Variants in SVEP1 observed in about 807,000 individuals in gnomAD.
SVEP1 encodes the protein sushi, von Willebrand factor type A, EGF and pentraxin domain containing 1.
SVEP1 carries 164 observed loss-of-function variants against 367.3 expected under a neutral mutation model. The ratio of observed to expected loss-of-function variants is 0.45; its 90% confidence interval spans 0.39 to 0.51. The LOEUF (loss-of-function observed/expected upper bound fraction) is 0.51, where lower values mean the gene tolerates loss of function less well. Ranked by LOEUF, SVEP1 falls within the 20% of genes least tolerant of loss-of-function variation. The pLI is 0.00. For synonymous variants in SVEP1, 1,666 were observed against 1,611.6 expected, an observed-to-expected ratio of 1.03 and a Z score of -0.81; for missense variants, 4,117 against 4,425.3, an observed-to-expected ratio of 0.93 and a Z score of 1.98.
At position 110,430,399 on chromosome 9, in the gene SVEP1, C is replaced by G; in HGVS notation, c.5405G>C (p.Gly1802Ala). Residue 1802 changes from glycine (G) to alanine (A), a missense_variant, in exon 33 of 48, where the codon GGT (glycine) becomes GCT (alanine). Transcript: ENST00000374469. Reference protein sequence around the residue: ...PGNPENGHSSGEIYTVGAEVT... With the variant: ...PGNPENGHSSAEIYTVGAEVT... The stretch of plus-strand genomic sequence containing the variant: ...TTCGGCACCTACTGTATAAATCTCA[C>G]CTGAGGAGTGGCCATTTTCCGGATT... 6.2e-7 allele frequency: 1 copy of G among 1,613,202 alleles called. No individual in the cohort carries two copies. Among genetic ancestry groups the G allele is most frequent in the Non-Finnish European group, 8.5e-7 (1 of 1,179,622 alleles).
At chr9:110,486,828 A>G (rs1829286091) in intron 9 of SVEP1, among the ~76,000 whole-genome samples, 1 of 151,988 alleles carries the variant, frequency 6.6e-6, no homozygotes, top group South Asian at 2.1e-4. Context: ...TATTTTTAGT[A>G]GAGACAGGGT....
intron 8 of SVEP1, among the ~76,000 whole-genome samples, chr9:110,494,788 CTGTCT>C (rs1829421091): frequency 1.7e-5 from 1 of 58,028 alleles, no homozygotes; most frequent in Non-Finnish European, 4.0e-5. Flanking sequence ...ACTGCCTTCT[CTGTCT>C]TTTTTTTTTC....
rs527857719 is a variant in SVEP1 at position 110,408,881 on chromosome 9, C to T, written c.6719G>A (p.Ser2240Asn). 3.1e-6 allele frequency: 5 copies of T among 1,613,428 alleles called. No homozygotes were observed. The South Asian group carries it at 4.4e-5, about 14-fold the overall frequency. ...QCNPGYKSVG[S>N]PVFVCQANRH... ...ATTGGCTTGGCAGACAAATACAGGA[C>T]TTCCGACTGACTTATAGCCCGGGTT... is the stretch of plus-strand genomic sequence containing the variant. The change falls in exon 38 of 48, where the codon AGT becomes AAT. Residue 2240 changes from serine (S) to asparagine (N), a missense_variant. This residue lies in a region of SVEP1 where 1,765 missense variants were observed against 1,781.1 expected (regional missense o/e 0.99). Transcript: ENST00000374469.
chr9:110,392,778 C>T (rs1394700478), intron 40 of SVEP1, among the ~76,000 whole-genome samples: 2 of 151,936 alleles, frequency 1.3e-5, no homozygotes, highest in African/African-American at 4.8e-5. Flanking sequence ...CATTTATGAC[C>T]TATTTGATGT....
At position 110,427,696 on chromosome 9, in the gene SVEP1, G is replaced by T. The variant is rs891225333; in HGVS notation, c.5870C>A (p.Ala1957Asp). 3 of 1,613,924 alleles carry T rather than the reference G, an allele frequency of 1.9e-6. No homozygotes were observed. The highest frequency in any genetic ancestry group is 2.7e-5 in the African/African-American group (2 of 75,036). Residue 1957 changes from alanine to aspartate, a missense_variant, in exon 36 of 48, where the codon GCC (alanine) becomes GAC (aspartate). Around this residue, in one of 4 missense-constraint regions of SVEP1, gnomAD observed 2,174 missense variants for 2,494.3 expected, o/e 0.87. Coordinates refer to ENST00000374469, the MANE Select transcript of SVEP1 (RefSeq NM_153366.4). ...TTCTCCACAGAAGACGAGGTGACAGGCAGGTGGCGCTCTGTCCCAGATGCC... is the reference window on the plus strand; with the variant it reads ...TTCTCCACAGAAGACGAGGTGACAGTCAGGTGGCGCTCTGTCCCAGATGCC... ...ASGIWDRAPP[A>D]CHLVFCGEPP...
At chr9:110,535,817 A>G (rs2118825765) in intron 3 of SVEP1, among the ~76,000 whole-genome samples, 1 of 152,028 alleles carries the variant, frequency 6.6e-6, no homozygotes, top group East Asian at 1.9e-4. Flanking sequence ...TTGATTTTAT[A>G]TTCTGAAACT....
chr9:110,401,918 C>T (rs552400746), intron 39 of SVEP1, among the ~76,000 whole-genome samples: 31 of 152,122 alleles, frequency 2.0e-4, no homozygotes, highest in Admixed American at 1.1e-3. Context: ...ACAGGATTTG[C>T]GGCTAAACCC....
chr9:110,531,260 CT>C (rs1445046470), intron 3 of SVEP1, among the ~76,000 whole-genome samples: 1 of 152,148 alleles, frequency 6.6e-6, no homozygotes, highest in Non-Finnish European at 1.5e-5. Flanking sequence ...TTTCATTTAA[CT>C]GCTTCCATAT....
intron 26 of SVEP1, among the ~76,000 whole-genome samples, chr9:110,445,598 T>A (rs1303696502): frequency 6.6e-6 from 1 of 152,202 alleles, no homozygotes; most frequent in Non-Finnish European, 1.5e-5. Context: ...GACTATCAGA[T>A]GAAGTAATAC....
intron 3 of SVEP1, among the ~76,000 whole-genome samples, chr9:110,533,405 A>G (rs1830044175): frequency 6.6e-6 from 1 of 152,220 alleles, no homozygotes; most frequent in East Asian, 1.9e-4. Flanking sequence ...CTGCCCAGAA[A>G]AACACAGTAG....
chr9:110,384,931 T>TGGACAACAAATGAGCCTGGA (rs1164599803), intron 43 of SVEP1, among the ~76,000 whole-genome samples: 1 of 152,196 alleles, frequency 6.6e-6, no homozygotes, highest in Non-Finnish European at 1.5e-5. Context: ...GGTAGTAGCT[T>TGGACAACAAATGAGCCTGGA]GGACAACAAA....
At chr9:110,366,625 T>A in intron 47 of SVEP1, 65 bp from the exon 48 acceptor site, 5 of 1,450,016 alleles carry the variant, frequency 3.4e-6, no homozygotes, top group Non-Finnish European at 4.6e-6. Context: ...AGAGCTAACA[T>A]CTCTTTAGGA....
At chr9:110,437,682 G>A (rs985308049) in intron 27 of SVEP1, among the ~76,000 whole-genome samples, 22 of 151,644 alleles carry the variant, frequency 1.5e-4, no homozygotes, top group Admixed American at 1.3e-4. Flanking sequence ...GGGTGGTTTT[G>A]GGTTACATGG....
At chr9:110,465,821 C>G in intron 18 of SVEP1, 44 bp downstream of exon 18, 1 of 1,588,438 alleles carries the variant, frequency 6.3e-7, no homozygotes, top group South Asian at 1.1e-5. Flanking sequence ...ATGCATAGAA[C>G]CTAGTAGGTT....
At chr9:110,562,187 C>A (rs1443776850) in intron 1 of SVEP1, among the ~76,000 whole-genome samples, 5 of 150,936 alleles carry the variant, frequency 3.3e-5, no homozygotes, top group Admixed American at 6.6e-5. Flanking sequence ...ACAAATTCCA[C>A]CATTTGGAAT....
intron 3 of SVEP1, among the ~76,000 whole-genome samples, chr9:110,528,581 G>T (rs1439896214): frequency 2.0e-5 from 3 of 151,878 alleles, no homozygotes; most frequent in Non-Finnish European, 2.9e-5. Context: ...TTTTTCATAT[G>T]TTTGTTGGCC....
chr9:110,385,708 A>G (rs1185534149), intron 43 of SVEP1, among the ~76,000 whole-genome samples, 190 bp downstream of exon 43: 3 of 152,194 alleles, frequency 2.0e-5, no homozygotes, highest in Non-Finnish European at 2.9e-5. Context: ...TAGTTCTGGA[A>G]AGCTTTTTTT....
chr9:110,436,002 C>G (rs1233053980), intron 28 of SVEP1, among the ~76,000 whole-genome samples: 1 of 151,830 alleles, frequency 6.6e-6, no homozygotes, highest in Non-Finnish European at 1.5e-5. Context: ...GTATGTTGCT[C>G]TCTATGGATG....
chr9:110,473,896 T>C (rs541429280), intron 14 of SVEP1, among the ~76,000 whole-genome samples: 37 of 152,356 alleles, frequency 2.4e-4, no homozygotes, highest in South Asian at 1.9e-3. Flanking sequence ...CTTAATTTCT[T>C]TCTATACAAT....
Sources: gnomAD v4.1 joint callset for allele counts (sites outside exome capture counted in the v4.1 genomes callset) on GRCh38, gnomAD v4.1.1 for gene constraint, gnomAD v4.1.1 regional missense constraint, MANE v1.5 for transcripts, NCBI Gene and HGNC (gene_info 2026-07-23, HGNC 2026-07-21) for gene names.